Variants in WWOX observed in about 807,000 individuals in gnomAD.
WWOX encodes the protein WW domain-containing oxidoreductase.
Under a neutral mutation model 46.2 loss-of-function variants are expected in WWOX, and 69 were observed. The observed-to-expected ratio is 1.49, with a 90% confidence interval of 1.23 to 1.82. The LOEUF is 1.82. Ranked by LOEUF, WWOX falls within the 40% of genes most tolerant of loss-of-function variation. WWOX has a pLI of 0.00. For synonymous variants in WWOX, 359 were observed against 202.6 expected (o/e 1.77, Z -6.56); for missense variants, 919 against 542.6 (o/e 1.69, Z -6.89).
At chr16:79,189,423 TTGTGTGTGTGTGTGTGTGTGTGTGTGTG>T (rs4035319) in intron 8 of WWOX, among the ~76,000 whole-genome samples, 16 of 114,972 alleles carry the variant, frequency 1.4e-4, no homozygotes, top group African/African-American at 3.7e-4. Context: ...ACTCCCAGCT[TTGTGTGTGTGTGTGTGTGTGTGTGTGTG>T]TGTGTGTGTG....
chr16:78,120,121 G>T (rs1000741866), intron 4 of WWOX, among the ~76,000 whole-genome samples: 1 of 151,964 alleles, frequency 6.6e-6, no homozygotes, highest in Non-Finnish European at 1.5e-5. Context: ...TTTTCTATTG[G>T]TACTTATGTC....
intron 8 of WWOX, among the ~76,000 whole-genome samples, chr16:78,904,973 C>T (rs1288344572): frequency 6.6e-6 from 1 of 152,182 alleles, no homozygotes; most frequent in Non-Finnish European, 1.5e-5. Flanking sequence ...TATCCTACCT[C>T]CCAATAGAGT....
chr16:79,000,513 A>G (rs1250479744), intron 8 of WWOX, among the ~76,000 whole-genome samples: 1 of 152,166 alleles, frequency 6.6e-6, no homozygotes, highest in Non-Finnish European at 1.5e-5. Flanking sequence ...GGCTGAGTAA[A>G]GAGGACTTGG....
At chr16:79,154,424 C>G (rs189692189) in intron 8 of WWOX, among the ~76,000 whole-genome samples, 142 of 151,720 alleles carry the variant, frequency 9.4e-4, no homozygotes, top group African/African-American at 3.4e-3. Context: ...ATACTGGCCC[C>G]TCATTTCACT....
chr16:79,024,001 C>T (rs2151388181), intron 8 of WWOX, among the ~76,000 whole-genome samples: 1 of 152,040 alleles, frequency 6.6e-6, no homozygotes, highest in East Asian at 1.9e-4. Flanking sequence ...AAACCAGATG[C>T]AAAAGATGAC....
At chr16:78,909,169 T>A (rs1372580043) in intron 8 of WWOX, among the ~76,000 whole-genome samples, 1 of 152,218 alleles carries the variant, frequency 6.6e-6, no homozygotes, top group Non-Finnish European at 1.5e-5. Flanking sequence ...CTCCATCACC[T>A]TCATAATTTT....
At chr16:78,104,538 A>G (rs1353377719) in intron 1 of WWOX, among the ~76,000 whole-genome samples, 1 of 152,162 alleles carries the variant, frequency 6.6e-6, no homozygotes, top group Non-Finnish European at 1.5e-5. Flanking sequence ...CATACGTGGA[A>G]GTGTGGTATT....
rs991691482 is a variant in WWOX, at chr16:79,026,283, C to T, written c.1057-185325C>T. Among the ~76,000 whole-genome samples, 5 of 151,752 alleles carry T rather than the reference C, an allele frequency of 3.3e-5. 1 individual carries two copies. Among genetic ancestry groups the T allele is most frequent in the African/African-American group, 9.7e-5 (4 of 41,028 alleles). ...CCTACCCTCGGTCAACTCCTAACTC[C>T]TGCCTGCCACAGGGCCTTTGCACAT... On this transcript the variant is annotated intron_variant, in intron 8 of 8. Transcript: ENST00000566780.
At chr16:78,916,436 A>G (rs1200155528) in intron 8 of WWOX, among the ~76,000 whole-genome samples, 2 of 152,230 alleles carry the variant, frequency 1.3e-5, no homozygotes, top group African/African-American at 2.4e-5. Context: ...ACTGGGTATA[A>G]TTAGCCACAA....
chr16:78,374,859 C>T (rs1227404420), intron 5 of WWOX, among the ~76,000 whole-genome samples: 2 of 151,866 alleles, frequency 1.3e-5, no homozygotes, highest in African/African-American at 4.8e-5. Flanking sequence ...CCTGTTTTTG[C>T]ATTTTTAGTA....
chr16:78,931,338 G>T (rs2045620540), intron 8 of WWOX, among the ~76,000 whole-genome samples: 1 of 152,194 alleles, frequency 6.6e-6, no homozygotes, highest in South Asian at 2.1e-4. Flanking sequence ...TCTCTTTGGA[G>T]ACTGAAAGGC....
At chr16:78,995,311 G>T (rs1053955865) in intron 8 of WWOX, among the ~76,000 whole-genome samples, 2 of 152,088 alleles carry the variant, frequency 1.3e-5, no homozygotes, top group Non-Finnish European at 2.9e-5. Context: ...TCTGCCCCTT[G>T]CCCAATTCCC....
intron 8 of WWOX, among the ~76,000 whole-genome samples, chr16:78,772,842 G>T (rs570169881): frequency 6.6e-6 from 1 of 152,196 alleles, no homozygotes; most frequent in East Asian, 1.9e-4. Flanking sequence ...AACATAGCGT[G>T]AACTTGTATC....
intron 8 of WWOX, among the ~76,000 whole-genome samples, chr16:78,636,286 G>C (rs2046568232): frequency 6.6e-6 from 1 of 152,150 alleles, no homozygotes; most frequent in Admixed American, 6.5e-5. Context: ...TGTGTCAATT[G>C]CTCTACCAGA....
chr16:78,760,990 A>G (rs1045186301), intron 8 of WWOX, among the ~76,000 whole-genome samples: 3 of 152,138 alleles, frequency 2.0e-5, no homozygotes, highest in Admixed American at 6.5e-5. Flanking sequence ...CTTATTCACT[A>G]TCATGAGCAT....
At chr16:78,741,493 G>A (rs1390473365) in intron 8 of WWOX, among the ~76,000 whole-genome samples, 1 of 152,130 alleles carries the variant, frequency 6.6e-6, no homozygotes, top group African/African-American at 2.4e-5. Flanking sequence ...CTGGGAGGCA[G>A]AGGTTGAAGT....
At chr16:78,626,897 C>T (rs926023212) in intron 8 of WWOX, among the ~76,000 whole-genome samples, 1 of 152,012 alleles carries the variant, frequency 6.6e-6, no homozygotes, top group Admixed American at 6.6e-5. Flanking sequence ...TTAAATTTTT[C>T]CAGATGGAAC....
chr16:78,948,336 G>A (rs2045989173), intron 8 of WWOX, among the ~76,000 whole-genome samples: 2 of 152,148 alleles, frequency 1.3e-5, no homozygotes, highest in Admixed American at 1.3e-4. Context: ...CCTTTTAGAA[G>A]TTTCCAGAGC....
At chr16:78,562,650 C>A (rs897690318) in intron 8 of WWOX, among the ~76,000 whole-genome samples, 1 of 152,198 alleles carries the variant, frequency 6.6e-6, no homozygotes, top group African/African-American at 2.4e-5. Context: ...TTGTCAGTTG[C>A]TCACACTCGG....
Sources: gnomAD v4.1 joint callset for allele counts (sites outside exome capture counted in the v4.1 genomes callset) on GRCh38, gnomAD v4.1.1 for gene constraint, MANE v1.5 for transcripts, NCBI Gene and HGNC (gene_info 2026-07-23, HGNC 2026-07-21) for gene names.